GRK3: variants seen among roughly 807,000 people sequenced by gnomAD.
The protein encoded by GRK3 is adrenergic, beta, receptor kinase 2.
Under a neutral mutation model 95.7 loss-of-function variants are expected in GRK3, and 54 were observed. The ratio of observed to expected loss-of-function variants is 0.56; its 90% confidence interval spans 0.45 to 0.71. GRK3 has a LOEUF of 0.71. Ranked by LOEUF, GRK3 falls within the 30% of genes least tolerant of loss-of-function variation. GRK3 has a pLI of 0.00. For synonymous variants in GRK3, 281 were observed against 290.8 expected (o/e 0.97, Z 0.34); for missense variants, 649 against 851.2 (o/e 0.76, Z 2.96).
chr22:25,623,237 C>T (rs568887083), intron 2 of GRK3, among the ~76,000 whole-genome samples: 6 of 152,304 alleles, frequency 3.9e-5, no homozygotes, highest in Admixed American at 6.5e-5. Flanking sequence ...CCACCATGCC[C>T]GGCCATACTT....
rs1260527416 is a variant in GRK3, at chr22:25,608,604, G to T, written c.190+4151G>T. ...CTAGCTCTGCAGATGGAGGGCGTGT[G>T]GGTGCTCACTAGGAGCTGAGAGTGG... On this transcript the variant is annotated intron_variant, in intron 2 of 20. Coordinates refer to ENST00000324198, the MANE Select transcript of GRK3 (RefSeq NM_005160.4). Among the ~76,000 whole-genome samples, 6 of 152,358 alleles carry T rather than the reference G, an allele frequency of 3.9e-5. No individual in the cohort carries two copies. In the South Asian group the frequency reaches 6.2e-4, roughly 16 times the overall value.
chr22:25,659,883 A>T (rs949057567), intron 3 of GRK3, among the ~76,000 whole-genome samples: 3 of 152,200 alleles, frequency 2.0e-5, no homozygotes, highest in African/African-American at 7.2e-5. Context: ...TTGACTGTTC[A>T]TGGGAAGGAG....
intron 12 of GRK3, among the ~76,000 whole-genome samples, chr22:25,691,384 G>A (rs535149925): frequency 2.0e-5 from 3 of 152,144 alleles, no homozygotes; most frequent in Non-Finnish European, 2.9e-5. Flanking sequence ...GTAACTAGAA[G>A]TAAAGTGGTT....
intron 17 of GRK3, among the ~76,000 whole-genome samples, chr22:25,714,059 G>A (rs893971723): frequency 1.3e-5 from 2 of 152,092 alleles, no homozygotes; most frequent in Non-Finnish European, 1.5e-5. Flanking sequence ...TACCATAATT[G>A]AAATTTTACT....
chr22:25,597,756 A>T (rs1165170708), intron 1 of GRK3, among the ~76,000 whole-genome samples: 1 of 152,230 alleles, frequency 6.6e-6, no homozygotes, highest in Admixed American at 6.5e-5. Context: ...CAGAGGAATA[A>T]AGATAAAAAT....
intron 3 of GRK3, among the ~76,000 whole-genome samples, chr22:25,654,263 T>C (rs1432182259): frequency 6.6e-6 from 1 of 152,184 alleles, no homozygotes; most frequent in Non-Finnish European, 1.5e-5. Context: ...ACCATTATTA[T>C]TAGTGTGATA....
chr22:25,674,177 C>T (rs563297548), intron 7 of GRK3, among the ~76,000 whole-genome samples: 7 of 152,240 alleles, frequency 4.6e-5, no homozygotes, highest in Non-Finnish European at 8.8e-5. Context: ...AACAGTTCGG[C>T]TTGGTTCCAC....
intron 1 of GRK3, among the ~76,000 whole-genome samples, chr22:25,591,272 G>A (rs1421131699): frequency 6.6e-6 from 1 of 152,206 alleles, no homozygotes; most frequent in Admixed American, 6.5e-5. Flanking sequence ...ACATGGTGCA[G>A]GGTCTTGCAG....
intron 1 of GRK3, among the ~76,000 whole-genome samples, chr22:25,579,157 C>CT (rs879358631): frequency 2.3e-3 from 326 of 144,646 alleles, no homozygotes; most frequent in African/African-American, 5.9e-3. Context: ...GACAGGAATT[C>CT]TTTTTTTTTT....
chr22:25,718,501 G>T lies in GRK3; in HGVS notation c.1791+120G>T, dbSNP rs973686210. Reference sequence around the variant, plus strand: ...CGAAACTCTGTGATTCTATTTTACTGCTCTACATGAGATTGTAATGTGCAA... The same window carrying T: ...CGAAACTCTGTGATTCTATTTTACTTCTCTACATGAGATTGTAATGTGCAA... On this transcript the variant is annotated intron_variant, in intron 19 of 20. Transcript: ENST00000324198. 7.8e-6 allele frequency: 9 copies of T among 1,155,398 alleles called. No homozygotes were observed. In the South Asian group the frequency reaches 1.1e-4, roughly 14 times the overall value. The allele number at this position is 1,155,398 out of a possible 1,614,324, so 71.6% of individuals were successfully genotyped here.
chr22:25,673,380 A>C (rs1053785858), intron 7 of GRK3, among the ~76,000 whole-genome samples: 1 of 151,568 alleles, frequency 6.6e-6, no homozygotes, highest in Admixed American at 6.6e-5. Context: ...GTTTTTTTTA[A>C]AAATACTTGA....
At chr22:25,623,263 A>T (rs1411361813) in intron 2 of GRK3, among the ~76,000 whole-genome samples, 16 of 152,184 alleles carry the variant, frequency 1.1e-4, no homozygotes, top group Non-Finnish European at 2.4e-4. Context: ...AGTTATTCAA[A>T]ACTATAGAAG....
chr22:25,586,123 A>G (rs1932290537), intron 1 of GRK3, among the ~76,000 whole-genome samples: 1 of 152,260 alleles, frequency 6.6e-6, no homozygotes, highest in African/African-American at 2.4e-5. Context: ...TAGAAAAATG[A>G]TACTCTTTCA....
intron 12 of GRK3, among the ~76,000 whole-genome samples, chr22:25,690,828 A>G (rs2085159636): frequency 6.6e-6 from 1 of 152,068 alleles, no homozygotes; most frequent in Non-Finnish European, 1.5e-5. Flanking sequence ...AAAGAAACAA[A>G]TCATCTGCTT....
rs1336968695 is a variant in GRK3, at chr22:25,704,189, G to T, written c.1308G>T (p.Arg436=). 1 of 1,612,882 alleles carries T rather than the reference G, an allele frequency of 6.2e-7. No individual in the cohort carries two copies. The highest frequency in any genetic ancestry group is 1.3e-5 in the African/African-American group (1 of 74,852). Residue 436 remains arginine (R), a synonymous_variant, in exon 15 of 21, where the codon CGG becomes CGT. Coordinates refer to ENST00000324198, the MANE Select transcript of GRK3 (RefSeq NM_005160.4). ...EGLLQRDVSK[R]LGCHGGGSQE... ...TGCTTCAGCGAGACGTTAGCAAGCGGCTGGGCTGTCACGGAGGCGGGTAGG... is the reference window on the plus strand; with the variant it reads ...TGCTTCAGCGAGACGTTAGCAAGCGTCTGGGCTGTCACGGAGGCGGGTAGG...
chr22:25,702,036 C>T (rs2085262959), intron 13 of GRK3, among the ~76,000 whole-genome samples: 1 of 150,786 alleles, frequency 6.6e-6, no homozygotes. Flanking sequence ...CAATCAAAAT[C>T]TGTTTTAAAA....
In GRK3 at chr22:25,608,833, A is replaced by G. The variant is rs188257190; in HGVS notation, c.190+4380A>G. On this transcript the variant is annotated intron_variant, in intron 2 of 20. Coordinates refer to ENST00000324198, the MANE Select transcript of GRK3 (RefSeq NM_005160.4). ...GAACCCACTCACACTTCTGACCTAT[A>G]GAACTGTGAGATGATACGTGGGTGT... Among the ~76,000 whole-genome samples, 106 of 152,346 alleles carry G rather than the reference A, an allele frequency of 7.0e-4. 2 individuals are homozygous for G. The highest frequency in any genetic ancestry group is 4.3e-3 in the Admixed American group (66 of 15,304).
At chr22:25,622,022 G>A (rs1425218149) in intron 2 of GRK3, among the ~76,000 whole-genome samples, 1 of 152,064 alleles carries the variant, frequency 6.6e-6, no homozygotes, top group Non-Finnish European at 1.5e-5. Flanking sequence ...GTGTCCTGTT[G>A]GCATCCTTTG....
chr22:25,667,291 T>G (rs2084948663), intron 5 of GRK3, among the ~76,000 whole-genome samples: 1 of 152,236 alleles, frequency 6.6e-6, no homozygotes, highest in Non-Finnish European at 1.5e-5. Flanking sequence ...CAGATGCTTT[T>G]ATTAGCTTAC....
Sources: allele counts gnomAD v4.1 joint callset (sites outside exome capture counted in the v4.1 genomes callset), GRCh38; gene constraint gnomAD v4.1.1; transcripts MANE v1.5; gene names NCBI Gene and HGNC (gene_info 2026-07-23, HGNC 2026-07-21).